ITGAE: variants seen among roughly 807,000 people sequenced by gnomAD.
ITGAE encodes the protein integrin subunit alpha E.
ITGAE carries 99 observed loss-of-function variants against 136.5 expected under a neutral mutation model. The observed-to-expected ratio is 0.73, with a 90% CI of 0.62 to 0.86. ITGAE has a LOEUF of 0.86. Among genes scored for constraint, ITGAE ranks in the 40% least tolerant of loss-of-function variants. The pLI is 0.00. For synonymous variants in ITGAE, 613 were observed against 591.8 expected (o/e 1.04, Z -0.52); for missense variants, 1,447 against 1,515.3 (o/e 0.95, Z 0.75).
At chr17:3,724,687 C>T in intron 26 of ITGAE, 1 of 1,614,202 alleles carries the variant, frequency 6.2e-7, no homozygotes, top group African/African-American at 1.3e-5. Flanking sequence ...CTTATGAACT[C>T]AGGAACCCCT....
At chr17:3,784,516 T>G (rs1254698840) in intron 1 of ITGAE, 1 of 158,864 alleles carries the variant, frequency 6.3e-6, no homozygotes, top group Non-Finnish European at 1.4e-5. Context: ...TGCCTCAGCC[T>G]CCCGAGTAGC....
intron 5 of ITGAE, 66 bp from the exon 6 acceptor site, chr17:3,761,243 A>T (rs2052160561): frequency 6.3e-6 from 10 of 1,577,582 alleles, no homozygotes; most frequent in Non-Finnish European, 8.6e-6. Flanking sequence ...GCACGCTCAC[A>T]CATGGTTCTG....
chr17:3,736,665 T>A (rs2051464717), intron 20 of ITGAE, among the ~76,000 whole-genome samples: 1 of 152,190 alleles, frequency 6.6e-6, no homozygotes, highest in Non-Finnish European at 1.5e-5. Flanking sequence ...TGCTGAGGTA[T>A]CACAGGGACC....
At chr17:3,723,464 A>T in intron 27 of ITGAE, 81 bp from the exon 28 acceptor site, 1 of 1,119,766 alleles carries the variant, frequency 8.9e-7, no homozygotes, top group Non-Finnish European at 1.4e-6. Flanking sequence ...GACACAGAGC[A>T]TCGTAAGGTC....
intron 1 of ITGAE, among the ~76,000 whole-genome samples, chr17:3,797,741 G>A (rs180870365): frequency 1.3e-5 from 2 of 152,222 alleles, no homozygotes; most frequent in East Asian, 3.9e-4. Context: ...GATTTCAGGC[G>A]TGAGCCACCG....
chr17:3,739,792 A>G lies in ITGAE; in HGVS notation c.2522+13T>C, dbSNP rs371452291. On this transcript the variant is annotated intron_variant, in intron 20 of 30. Transcript: ENST00000263087. ...AGGTTAATCGAGGAAACTGACGGCT[A>G]TGTCCAACTCACTGAGAGACGGTGG... 2 of 1,612,016 alleles carry G rather than the reference A, an allele frequency of 1.2e-6. No individual in the cohort carries two copies. The highest frequency in any genetic ancestry group is 1.7e-6 in the Non-Finnish European group (2 of 1,178,036).
chr17:3,788,624 G>A (rs1359322809), intron 1 of ITGAE, among the ~76,000 whole-genome samples: 1 of 150,028 alleles, frequency 6.7e-6, no homozygotes, highest in African/African-American at 2.4e-5. Context: ...ATACGGGTGT[G>A]ACTTAATATG....
At chr17:3,722,811 A>G (rs1469914348) in intron 28 of ITGAE, among the ~76,000 whole-genome samples, 1 of 152,180 alleles carries the variant, frequency 6.6e-6, no homozygotes, top group Admixed American at 6.5e-5. Flanking sequence ...TGTTATTTTT[A>G]ATAAGCAGGG....
At chr17:3,721,437 A>C (rs1475048053) in intron 28 of ITGAE, among the ~76,000 whole-genome samples, 1 of 150,156 alleles carries the variant, frequency 6.7e-6, no homozygotes, top group Non-Finnish European at 1.5e-5. Flanking sequence ...ATGCGTGGCT[A>C]ATTTATGTAT....
chr17:3,716,837 A>G (rs1400187298), intron 29 of ITGAE, 39 bp from the exon 30 acceptor site: 1 of 1,192,826 alleles, frequency 8.4e-7, no homozygotes. Flanking sequence ...AATCAGGTGA[A>G]GCAAACAAGG....
At chr17:3,753,493 C>A in intron 13 of ITGAE, 63 bp from the exon 14 acceptor site, 1 of 1,565,950 alleles carries the variant, frequency 6.4e-7, no homozygotes, top group Non-Finnish European at 8.7e-7. Context: ...AGCAAGGCTA[C>A]ACCCCTGCCC....
At chr17:3,762,093 G>A in intron 3 of ITGAE, 111 bp from the exon 4 acceptor site, 1 of 823,362 alleles carries the variant, frequency 1.2e-6, no homozygotes, top group Non-Finnish European at 2.0e-6. Context: ...ATGAGGAACT[G>A]TTGGCCACTC....
intron 14 of ITGAE, among the ~76,000 whole-genome samples, chr17:3,752,459 G>A (rs1035138804): frequency 1.3e-5 from 2 of 152,204 alleles, no homozygotes; most frequent in Non-Finnish European, 2.9e-5. Flanking sequence ...CCATGCAGCT[G>A]TAAGAGATGT....
chr17:3,759,536 C>T lies in ITGAE; in HGVS notation c.732G>A (p.Val244=), dbSNP rs1485568502. 6.2e-7 allele frequency: 1 copy of T among 1,612,542 alleles called. No individual in the cohort carries two copies. The highest frequency in any genetic ancestry group is 2.2e-5 in the East Asian group (1 of 44,858). The change falls in exon 8 of 31, where the codon GTG becomes GTA. Residue 244 remains valine (V), a synonymous_variant. Transcript: ENST00000263087. The stretch of plus-strand genomic sequence containing the variant: ...CAGTCTGGATCACTCCTCCATACTG[C>T]ACCAAGGCAAAGTTGCACTGCAGGG... The part of the protein sequence containing the change: ...EKCFECNFAL[V]QYGGVIQTEF...
At chr17:3,776,978 T>C (rs1185385776) in intron 2 of ITGAE, among the ~76,000 whole-genome samples, 1 of 149,074 alleles carries the variant, frequency 6.7e-6, no homozygotes, top group East Asian at 2.0e-4. Flanking sequence ...TTTTTTTTTT[T>C]GAGACGGAGT....
Position 3,732,446 on chromosome 17 carries a change from C to G in ITGAE, c.2676G>C (p.Gln892His), listed in dbSNP as rs3744679. 96,326 of 1,613,628 alleles carry G rather than the reference C, an allele frequency of 0.06. 4,012 individuals are homozygous for G. Among genetic ancestry groups the G allele is most frequent in the Admixed American group, 0.2 (12,248 of 60,010 alleles). ...AAGCAACCGGCTGAGGGTCATCACA[C>G]TGAATGTTTGGAGAGGGAGGCTGTT... ...RMQKPPSPNIQCDDPQPVASV... is the reference protein window; with the variant it reads ...RMQKPPSPNIHCDDPQPVASV... The change falls in exon 22 of 31, where the codon CAG becomes CAC. Residue 892 changes from glutamine (Q) to histidine (H), a missense_variant. Around this residue, in one of 3 missense-constraint regions of ITGAE, gnomAD observed 1,031 missense variants for 1,011.4 expected, o/e 1.02. Transcript: ENST00000263087.
intron 2 of ITGAE, among the ~76,000 whole-genome samples, chr17:3,770,793 G>C (rs2052402864): frequency 6.6e-6 from 1 of 152,154 alleles, no homozygotes; most frequent in South Asian, 2.1e-4. Flanking sequence ...GGTGGACTCA[G>C]AGCCCTCTGC....
intron 2 of ITGAE, among the ~76,000 whole-genome samples, chr17:3,766,931 G>A (rs2052313758): frequency 6.6e-6 from 1 of 151,818 alleles, no homozygotes; most frequent in Non-Finnish European, 1.5e-5. Context: ...GGTCTTTCCT[G>A]TCAAGCCTGC....
Position 3,783,295 on chromosome 17 carries a change from C to T in ITGAE, c.35-5635G>A, listed in dbSNP as rs191594517. Among the ~76,000 whole-genome samples, 488 of 152,310 alleles carry T rather than the reference C, an allele frequency of 3.2e-3. 4 individuals are homozygous for T. Among genetic ancestry groups the T allele is most frequent in the African/African-American group, 0.011 (475 of 41,562 alleles). ...AGCTGGGATTACAGGCGCCCGCCAC[C>T]ATGCCCAGCTAAGTTTTGTATTATT... On this transcript the variant is annotated intron_variant, in intron 1 of 30. Coordinates refer to ENST00000263087, the MANE Select transcript of ITGAE (RefSeq NM_002208.5).
Sources: gnomAD v4.1 joint callset for allele counts (sites outside exome capture counted in the v4.1 genomes callset) on GRCh38, gnomAD v4.1.1 for gene constraint, gnomAD v4.1.1 regional missense constraint, MANE v1.5 for transcripts, NCBI Gene and HGNC (gene_info 2026-07-23, HGNC 2026-07-21) for gene names.